Variants in FHIT observed in about 807,000 individuals in gnomAD.
FHIT encodes bis(5'-adenosyl)-triphosphatase.
FHIT carries 19 observed loss-of-function variants against 17.9 expected under a neutral mutation model. The observed-to-expected ratio is 1.06, with a 90% CI of 0.74 to 1.56. FHIT has a LOEUF of 1.56. FHIT is among the 40% of genes most tolerant of loss of function. The probability of loss-of-function intolerance (pLI) is 0.00; values close to 1 mark genes in which losing one functional copy is unlikely to be tolerated. For synonymous variants in FHIT, 81 were observed against 69.7 expected, an observed-to-expected ratio of 1.16 and a Z score of -0.81; for missense variants, 248 against 189.2, an observed-to-expected ratio of 1.31 and a Z score of -1.82.
At chr3:59,760,846 C>T (rs3100801) in intron 8 of FHIT, among the ~76,000 whole-genome samples, 38,607 of 141,930 alleles carry the variant, frequency 0.27, 5,553 homozygotes, top group African/African-American at 0.47. Flanking sequence ...TTTTTTTTTT[C>T]GAGACAAGGT....
At chr3:60,575,377 AT>A (rs1238232722) in intron 4 of FHIT, among the ~76,000 whole-genome samples, 1 of 152,144 alleles carries the variant, frequency 6.6e-6, no homozygotes, top group East Asian at 1.9e-4. Flanking sequence ...AAACAATTCC[AT>A]TTTTTTCTTT....
At chr3:60,637,927 G>A (rs540774107) in intron 4 of FHIT, among the ~76,000 whole-genome samples, 7 of 152,124 alleles carry the variant, frequency 4.6e-5, no homozygotes, top group Admixed American at 2.0e-4. Context: ...GGCAAATTTT[G>A]TTGTGGAAAG....
At chr3:60,945,455 C>A (rs1553775541) in intron 3 of FHIT, among the ~76,000 whole-genome samples, 2 of 152,094 alleles carry the variant, frequency 1.3e-5, no homozygotes, top group African/African-American at 4.8e-5. Flanking sequence ...TGCAGTGGTA[C>A]AATCTTGGCT....
At chr3:61,090,787 T>C (rs913416956) in intron 2 of FHIT, among the ~76,000 whole-genome samples, 6 of 152,194 alleles carry the variant, frequency 3.9e-5, no homozygotes, top group Non-Finnish European at 7.3e-5. Flanking sequence ...ATAACGTTTT[T>C]CCCCTTTTTT....
chr3:61,154,251 C>A (rs1235445737), intron 2 of FHIT, among the ~76,000 whole-genome samples: 2 of 152,116 alleles, frequency 1.3e-5, no homozygotes, highest in Non-Finnish European at 2.9e-5. Context: ...AATGATAGGA[C>A]CATTTACACT....
chr3:60,057,788 T>G (rs1398382218), intron 5 of FHIT, among the ~76,000 whole-genome samples: 2 of 152,174 alleles, frequency 1.3e-5, no homozygotes, highest in Non-Finnish European at 2.9e-5. Context: ...ATTGCTTCCT[T>G]GCCTCTCCCT....
intron 5 of FHIT, among the ~76,000 whole-genome samples, chr3:60,438,156 C>T (rs1020154627): frequency 5.3e-5 from 8 of 152,070 alleles, no homozygotes; most frequent in Admixed American, 2.0e-4. Context: ...CCAGCTCACT[C>T]AAGCAAAGCT....
At chr3:60,754,571 C>T (rs782018455) in intron 4 of FHIT, among the ~76,000 whole-genome samples, 8 of 151,840 alleles carry the variant, frequency 5.3e-5, no homozygotes, top group East Asian at 1.9e-4. Flanking sequence ...GCAGAGGTTG[C>T]GGTGAGCTAA....
intron 3 of FHIT, among the ~76,000 whole-genome samples, chr3:60,953,049 T>A (rs1311787959): frequency 6.6e-6 from 1 of 152,192 alleles, no homozygotes; most frequent in African/African-American, 2.4e-5. Flanking sequence ...AGTGTACAAT[T>A]TTGCCTCCTC....
intron 4 of FHIT, among the ~76,000 whole-genome samples, chr3:60,626,997 T>C (rs966564557): frequency 3.3e-5 from 5 of 152,266 alleles, no homozygotes; most frequent in Non-Finnish European, 2.9e-5. Context: ...ATATTACATT[T>C]ATTAGTTTTC....
intron 5 of FHIT, among the ~76,000 whole-genome samples, chr3:60,301,471 C>T (rs530516536): frequency 6.6e-6 from 1 of 152,240 alleles, no homozygotes; most frequent in South Asian, 2.1e-4. Flanking sequence ...GTGCTCAACC[C>T]ATACACATAA....
At chr3:60,985,580 A>G (rs371740960) in intron 3 of FHIT, among the ~76,000 whole-genome samples, 28 of 152,200 alleles carry the variant, frequency 1.8e-4, no homozygotes, top group African/African-American at 6.8e-4. Flanking sequence ...GACGGGTACA[A>G]TTCCTTCTCT....
Position 60,238,993 on chromosome 3 carries a change from A to G in FHIT, c.104-224841T>C, listed in dbSNP as rs118080279. Among the ~76,000 whole-genome samples the G allele has an allele frequency of 9.3e-4, 141 of 152,292 alleles. 2 individuals are homozygous for G. In the East Asian group the frequency reaches 0.025, roughly 27 times the overall value. On this transcript the variant is annotated intron_variant, in intron 5 of 9. Transcript: ENST00000492590. ...AGTTCCATAGATAATTGAAGAAAAT[A>G]TTTAGGAACATCCCTGGCATTTTTC...
Position 60,485,698 on chromosome 3 carries a change from G to A in FHIT, c.103+51162C>T, listed in dbSNP as rs4632501. ...GAACTTAGACAACAGGTCAATAGGT[G>A]CAGCAAACCACCATGGCACACGTAT... On this transcript the variant is annotated intron_variant, in intron 5 of 9. Transcript: ENST00000492590. Among the ~76,000 whole-genome samples, 654 of 152,140 alleles carry A rather than the reference G, an allele frequency of 4.3e-3. 10 individuals carry two copies. The highest frequency in any genetic ancestry group is 0.015 in the African/African-American group (639 of 41,496).
intron 3 of FHIT, among the ~76,000 whole-genome samples, chr3:60,849,229 G>C (rs1394955688): frequency 6.6e-6 from 1 of 151,880 alleles, no homozygotes; most frequent in Non-Finnish European, 1.5e-5. Flanking sequence ...GGGAGAGACA[G>C]AGAGAATGAG....
At chr3:60,087,231 T>C (rs1414678652) in intron 5 of FHIT, among the ~76,000 whole-genome samples, 1 of 151,646 alleles carries the variant, frequency 6.6e-6, no homozygotes, top group African/African-American at 2.4e-5. Context: ...TTTAGGCCTG[T>C]CACCTGAACC....
At chr3:60,798,439 A>G (rs1168236716) in intron 4 of FHIT, among the ~76,000 whole-genome samples, 1 of 152,252 alleles carries the variant, frequency 6.6e-6, no homozygotes, top group South Asian at 2.1e-4. Flanking sequence ...TCAATCACGT[A>G]AAAACTAGGG....
chr3:60,752,256 C>T (rs1207920858), intron 4 of FHIT, among the ~76,000 whole-genome samples: 3 of 152,118 alleles, frequency 2.0e-5, no homozygotes, highest in Admixed American at 1.3e-4. Context: ...AATAGGTCAC[C>T]TCAAAAAGAA....
At chr3:60,019,159 C>T (rs1417881060) in intron 5 of FHIT, among the ~76,000 whole-genome samples, 1 of 152,150 alleles carries the variant, frequency 6.6e-6, no homozygotes, top group Non-Finnish European at 1.5e-5. Context: ...GCTCTTCCAT[C>T]CCAATAGATG....
Sources: allele counts gnomAD v4.1 joint callset (sites outside exome capture counted in the v4.1 genomes callset), GRCh38; gene constraint gnomAD v4.1.1; transcripts MANE v1.5; gene names NCBI Gene and HGNC (gene_info 2026-07-23, HGNC 2026-07-21).